The following DPP6 variants were observed in gnomAD, a reference collection of about 807,000 sequenced individuals.
DPP6 encodes A-type potassium channel modulatory protein DPP6.
A neutral mutation model predicts 122.6 loss-of-function variants in DPP6; 69 were observed. The ratio of observed to expected loss-of-function variants is 0.56; its 90% CI spans 0.46 to 0.69. The LOEUF (loss-of-function observed/expected upper bound fraction) is 0.69, where lower values mean the gene tolerates loss of function less well. Among genes scored for constraint, DPP6 ranks in the 30% least tolerant of loss-of-function variants. DPP6 has a pLI of 0.00. For synonymous variants in DPP6, 418 were observed against 433.1 expected, an observed-to-expected ratio of 0.97 and a Z score of 0.43; for missense variants, 928 against 1,116.9, an observed-to-expected ratio of 0.83 and a Z score of 2.41.
the DPP6 span, among the ~76,000 whole-genome samples, chr7:153,826,561 T>C: frequency 1.3e-5 from 2 of 152,224 alleles, no homozygotes; most frequent in African/African-American, 4.8e-5. Context: ...ACTGTATTTA[T>C]GTTAATGATT....
intron 16 of DPP6, among the ~76,000 whole-genome samples, chr7:154,810,909 G>T (rs73730370): frequency 0.014 from 2,085 of 152,324 alleles, 43 homozygotes; most frequent in African/African-American, 0.048. Flanking sequence ...AGAATTTGAA[G>T]ATAGGAATAG....
rs180709322 is a variant in DPP6 at position 154,715,296 on chromosome 7, T to A, written c.763-12471T>A. On this transcript the variant is annotated intron_variant, in intron 7 of 25. Coordinates refer to ENST00000377770, the MANE Select transcript of DPP6 (RefSeq NM_130797.4). ...GTTGGCCAGGCTGGTCTCGAACTCC[T>A]AACATCAGATGATCCACCTGCCTAG... 1.0e-3 allele frequency among the ~76,000 whole-genome samples: 152 copies of A among 152,286 alleles called. 1 individual carries two copies. The highest frequency in any genetic ancestry group is 6.2e-4 in the Non-Finnish European group (42 of 68,022).
intron 1 of DPP6, among the ~76,000 whole-genome samples, chr7:154,237,978 C>T (rs766275218): frequency 1.3e-5 from 2 of 152,198 alleles, no homozygotes; most frequent in Non-Finnish European, 2.9e-5. Context: ...CAGCTCGTGT[C>T]TGAGAGAGGA....
intron 3 of DPP6, among the ~76,000 whole-genome samples, chr7:154,529,671 TGAAAATCTCAGCAGAGAAATA>T (rs1194350511): frequency 6.6e-6 from 1 of 152,108 alleles, no homozygotes; most frequent in African/African-American, 2.4e-5. Flanking sequence ...TTGCAATGAA[TGAAAATCTCAGCAGAGAAATA>T]GAAAATCTCA....
At chr7:154,772,022 G>T (rs996207745) in intron 9 of DPP6, among the ~76,000 whole-genome samples, 5 of 152,180 alleles carry the variant, frequency 3.3e-5, no homozygotes, top group African/African-American at 1.2e-4. Context: ...AGTTTCCCCA[G>T]TCTAGGAGTG....
At chr7:153,906,492 C>G (rs536491181) in intron 1 of DPP6, among the ~76,000 whole-genome samples, 5 of 152,292 alleles carry the variant, frequency 3.3e-5, no homozygotes, top group African/African-American at 9.6e-5. Context: ...ACTCTGTCTC[C>G]CAGGCTGGGG....
chr7:154,062,051 C>G (rs188910237), intron 1 of DPP6, among the ~76,000 whole-genome samples: 2,863 of 52,698 alleles, frequency 0.054, 184 homozygotes, highest in East Asian at 0.15. Flanking sequence ...CAGGGACTGA[C>G]AGCCAGCCCC....
At chr7:153,928,111 A>C (rs1800987759) in intron 1 of DPP6, among the ~76,000 whole-genome samples, 2 of 134,720 alleles carry the variant, frequency 1.5e-5, no homozygotes, top group African/African-American at 5.0e-5. Context: ...TGGGTAGCTT[A>C]AAAACAGCAG....
chr7:154,356,728 T>C (rs1371185157), intron 1 of DPP6, among the ~76,000 whole-genome samples: 1 of 152,218 alleles, frequency 6.6e-6, no homozygotes, highest in Admixed American at 6.5e-5. Context: ...CGGAAGTAGA[T>C]ATACACATTT....
chr7:154,679,202 C>T (rs1161830000), intron 7 of DPP6, among the ~76,000 whole-genome samples: 3 of 152,122 alleles, frequency 2.0e-5, no homozygotes, highest in Non-Finnish European at 4.4e-5. Flanking sequence ...TGCTCTTCTC[C>T]CACTCTTAGG....
chr7:154,091,164 T>C (rs1244482981), intron 1 of DPP6, among the ~76,000 whole-genome samples: 2 of 151,908 alleles, frequency 1.3e-5, no homozygotes, highest in Admixed American at 6.6e-5. Flanking sequence ...GTCGTATTTA[T>C]TGGGAAGCCT....
At chr7:154,001,947 G>A (rs1797710856) in intron 1 of DPP6, among the ~76,000 whole-genome samples, 1 of 151,864 alleles carries the variant, frequency 6.6e-6, no homozygotes, top group African/African-American at 2.4e-5. Flanking sequence ...GAGCATGGAG[G>A]CTTTTCTGAA....
chr7:154,469,776 T>C (rs1023930161), intron 2 of DPP6, among the ~76,000 whole-genome samples: 8 of 152,348 alleles, frequency 5.3e-5, no homozygotes, highest in South Asian at 2.1e-4. Flanking sequence ...GGAAGTCTTG[T>C]TCAAGCATCT....
intron 1 of DPP6, among the ~76,000 whole-genome samples, chr7:153,902,133 A>T (rs186568217): frequency 1.3e-5 from 2 of 152,380 alleles, no homozygotes; most frequent in East Asian, 3.9e-4. Context: ...TGCACATCAC[A>T]GACAAGATGC....
chr7:153,979,229 G>A lies in DPP6; in HGVS notation c.51+91495G>A, dbSNP rs573390477. Among the ~76,000 whole-genome samples, 191 of 152,192 alleles carry A rather than the reference G, an allele frequency of 1.3e-3. 3 individuals are homozygous for A. Among genetic ancestry groups the A allele is most frequent in the South Asian group, 8.7e-3 (42 of 4,816 alleles). ...TCCTCTCTTATTTCCTTGAGAAGTG[G>A]TTTGTAGTTCTCCTTGAAGAGGTCC... On this transcript the variant is annotated intron_variant, in intron 1 of 25. Transcript: ENST00000404039.
At chr7:154,816,691 T>G (rs1216804403) in intron 16 of DPP6, among the ~76,000 whole-genome samples, 3 of 152,226 alleles carry the variant, frequency 2.0e-5, no homozygotes, top group Admixed American at 1.3e-4. Context: ...ACCCACTCAG[T>G]ATCCAAAAGT....
intron 2 of DPP6, among the ~76,000 whole-genome samples, chr7:154,454,172 AGTGGGT>A (rs1260445791): frequency 6.6e-6 from 1 of 152,132 alleles, no homozygotes; most frequent in Non-Finnish European, 1.5e-5. Flanking sequence ...AGGTGGCTTG[AGTGGGT>A]TCTGGTATTG....
intron 8 of DPP6, among the ~76,000 whole-genome samples, chr7:154,732,593 A>G (rs1289724969): frequency 6.6e-6 from 1 of 152,088 alleles, no homozygotes; most frequent in Non-Finnish European, 1.5e-5. Flanking sequence ...GGGATGATGA[A>G]CTCGAGAAGA....
At chr7:154,792,610 G>A (rs1797749699) in intron 10 of DPP6, among the ~76,000 whole-genome samples, 1 of 152,248 alleles carries the variant, frequency 6.6e-6, no homozygotes, top group Non-Finnish European at 1.5e-5. Flanking sequence ...ATGGAGAGCA[G>A]GGGGGAGGGC....
Sources: gnomAD v4.1 joint callset for allele counts (sites outside exome capture counted in the v4.1 genomes callset) on GRCh38, gnomAD v4.1.1 for gene constraint, MANE v1.5 for transcripts, NCBI Gene and HGNC (gene_info 2026-07-23, HGNC 2026-07-21) for gene names.